FHIP1A: variants seen among roughly 807,000 people sequenced by gnomAD.
The protein encoded by FHIP1A is FHF complex subunit HOOK interacting protein 1A.
A neutral mutation model predicts 88.6 loss-of-function variants in FHIP1A; 61 were observed. That is an observed-to-expected ratio of 0.69 (90% CI 0.56 to 0.85). FHIP1A has a LOEUF of 0.85. Among genes scored for constraint, FHIP1A ranks in the 40% least tolerant of loss-of-function variants. FHIP1A has a pLI of 0.00. For missense variants in FHIP1A, 1,154 were observed against 1,273.5 expected, an observed-to-expected ratio of 0.91 and a Z score of 1.43; for synonymous variants, 478 against 496.0, an observed-to-expected ratio of 0.96 and a Z score of 0.48.
At position 151,664,718 on chromosome 4, in the gene FHIP1A, G is replaced by T. The variant is rs555760301; in HGVS notation, c.*1964G>T. Among the ~76,000 whole-genome samples the T allele has an allele frequency of 2.6e-5, 4 of 152,176 alleles. No individual in the cohort carries two copies. Among genetic ancestry groups the T allele is most frequent in the Non-Finnish European group, 4.4e-5 (3 of 68,024 alleles). ...GGCTGTAATTTATTATACTCTGTTT[G>T]TTTTTGCACAAGTATTTATCTTCTT... is the stretch of plus-strand genomic sequence containing the variant. On this transcript the variant is annotated 3_prime_UTR_variant, in exon 14 of 14. Transcript: ENST00000435205.
intron 3 of FHIP1A, among the ~76,000 whole-genome samples, chr4:151,491,728 G>C (rs1730289838): frequency 6.6e-6 from 1 of 152,128 alleles, no homozygotes; most frequent in African/African-American, 2.4e-5. Context: ...CACCAACCAA[G>C]TATCTGCTGT....
intron 3 of FHIP1A, among the ~76,000 whole-genome samples, chr4:151,545,843 G>A (rs1194678031): frequency 6.6e-6 from 1 of 152,032 alleles, no homozygotes; most frequent in East Asian, 1.9e-4. Context: ...TCACCTTCAG[G>A]GAAAGGTGAA....
chr4:151,509,158 T>A (rs1350539465), intron 3 of FHIP1A, among the ~76,000 whole-genome samples: 7 of 151,968 alleles, frequency 4.6e-5, no homozygotes, highest in South Asian at 4.1e-4. Context: ...TTATTAAGTA[T>A]TTTTTTTGTT....
intron 13 of FHIP1A, among the ~76,000 whole-genome samples, chr4:151,657,867 TG>T (rs1262917792): frequency 1.3e-5 from 2 of 152,232 alleles, no homozygotes; most frequent in African/African-American, 4.8e-5. Context: ...ATGCTGCCCC[TG>T]TGCAGCTATT....
chr4:151,567,278 C>T (rs2126773607), intron 4 of FHIP1A, among the ~76,000 whole-genome samples: 1 of 152,220 alleles, frequency 6.6e-6, no homozygotes, highest in Non-Finnish European at 1.5e-5. Context: ...TTTTTAATGA[C>T]TACCCAGTTC....
intron 7 of FHIP1A, among the ~76,000 whole-genome samples, chr4:151,594,506 TTTG>T (rs1734570266): frequency 6.6e-6 from 1 of 152,292 alleles, no homozygotes; most frequent in African/African-American, 2.4e-5. Context: ...TTCTAGTTTA[TTTG>T]CGTAGAGGTG....
intron 3 of FHIP1A, among the ~76,000 whole-genome samples, chr4:151,525,684 A>C (rs1731602011): frequency 6.6e-6 from 1 of 152,034 alleles, no homozygotes; most frequent in South Asian, 2.1e-4. Flanking sequence ...AATCATTTTA[A>C]AAACAATTTA....
chr4:151,488,672 A>G (rs1171538025), intron 3 of FHIP1A, among the ~76,000 whole-genome samples: 1 of 152,188 alleles, frequency 6.6e-6, no homozygotes, highest in Non-Finnish European at 1.5e-5. Context: ...TGGGATTGCA[A>G]ATGCTGCCAT....
At chr4:151,538,237 T>C (rs1046296515) in intron 3 of FHIP1A, among the ~76,000 whole-genome samples, 1 of 152,224 alleles carries the variant, frequency 6.6e-6, no homozygotes, top group Non-Finnish European at 1.5e-5. Flanking sequence ...GCATGTTTCT[T>C]AATCTCTCCT....
At chr4:151,625,817 C>T (rs1162172103) in intron 7 of FHIP1A, among the ~76,000 whole-genome samples, 1 of 152,044 alleles carries the variant, frequency 6.6e-6, no homozygotes, top group East Asian at 1.9e-4. Flanking sequence ...TAGCCTAAGA[C>T]AAAAAAGAGT....
intron 3 of FHIP1A, among the ~76,000 whole-genome samples, chr4:151,533,956 C>T (rs1395980950): frequency 6.6e-6 from 1 of 152,184 alleles, no homozygotes; most frequent in African/African-American, 2.4e-5. Flanking sequence ...TTGCTTTTAG[C>T]CTGCAACTTA....
At chr4:151,514,026 A>G (rs1335116928) in intron 3 of FHIP1A, among the ~76,000 whole-genome samples, 2 of 151,730 alleles carry the variant, frequency 1.3e-5, no homozygotes, top group South Asian at 2.1e-4. Flanking sequence ...CACCACACAT[A>G]TTCCAAAATT....
chr4:151,636,720 A>G (rs946643008), intron 8 of FHIP1A, among the ~76,000 whole-genome samples: 6 of 152,112 alleles, frequency 3.9e-5, no homozygotes, highest in African/African-American at 1.4e-4. Context: ...TTCATAGACC[A>G]GAAGACTTAA....
At chr4:151,497,242 T>C (rs1362317744) in intron 3 of FHIP1A, among the ~76,000 whole-genome samples, 1 of 152,194 alleles carries the variant, frequency 6.6e-6, no homozygotes, top group Non-Finnish European at 1.5e-5. Context: ...TTACTTAAAC[T>C]CTAATTATGC....
chr4:151,588,995 C>T (rs1560785955), intron 7 of FHIP1A, 69 bp downstream of exon 7: 1 of 1,030,634 alleles, frequency 9.7e-7, no homozygotes, highest in Non-Finnish European at 1.5e-6. Context: ...AGGGTAAACA[C>T]AGTGTAATTG....
At chr4:151,538,750 A>G (rs1732161766) in intron 3 of FHIP1A, among the ~76,000 whole-genome samples, 1 of 152,202 alleles carries the variant, frequency 6.6e-6, no homozygotes. Flanking sequence ...AGTGGCATGC[A>G]CACTGGGGTC....
At chr4:151,616,633 G>C (rs1005084863) in intron 7 of FHIP1A, among the ~76,000 whole-genome samples, 9 of 151,700 alleles carry the variant, frequency 5.9e-5, no homozygotes, top group Non-Finnish European at 1.0e-4. Flanking sequence ...TGTATTTTTA[G>C]TGGAGGCGGG....
chr4:151,598,714 T>C (rs942832018), intron 7 of FHIP1A, among the ~76,000 whole-genome samples: 4 of 152,188 alleles, frequency 2.6e-5, no homozygotes, highest in African/African-American at 9.7e-5. Flanking sequence ...CAGAGATTTC[T>C]GATTTTTTTA....
chr4:151,434,326 A>G (rs572211578), intron 1 of FHIP1A, among the ~76,000 whole-genome samples: 6 of 152,306 alleles, frequency 3.9e-5, no homozygotes, highest in South Asian at 2.1e-4. Context: ...TAATGTCACT[A>G]TGTTACTTAC....
Sources: allele counts gnomAD v4.1 joint callset (sites outside exome capture counted in the v4.1 genomes callset), GRCh38; gene constraint gnomAD v4.1.1; transcripts MANE v1.5; gene names NCBI Gene and HGNC (gene_info 2026-07-23, HGNC 2026-07-21).